Variants in RNF17 observed in about 807,000 individuals in gnomAD.
RNF17 encodes the protein spermatogenesis associated 23.
In RNF17, 31 loss-of-function variants were observed where a neutral mutation model predicts 200.5. That is an observed-to-expected ratio of 0.15 (90% CI 0.12 to 0.21). RNF17 has a LOEUF of 0.21. RNF17 is among the 10% of genes least tolerant of loss of function. The pLI, the probability that RNF17 is intolerant of heterozygous loss-of-function variation, is 1.00. For synonymous variants in RNF17, 606 were observed against 637.8 expected (o/e 0.95, Z 0.75); for missense variants, 1,628 against 1,905.1 (o/e 0.85, Z 2.71).
chr13:24,764,890 T>TGTGG (rs1437887701), intron 1 of RNF17, among the ~76,000 whole-genome samples: 613 of 8,710 alleles, frequency 0.07, 8 homozygotes, highest in African/African-American at 0.14. Flanking sequence ...CCTTGTGGGG[T>TGTGG]GTGTGTGTGT....
chr13:24,831,736 A>G (rs1214044384), intron 17 of RNF17, 122 bp from the exon 18 acceptor site: 2 of 838,164 alleles, frequency 2.4e-6, no homozygotes, highest in African/African-American at 1.8e-5. Context: ...TTATTTGATT[A>G]TTTCTAATAT....
intron 35 of RNF17, 101 bp downstream of exon 35, chr13:24,879,396 G>A: frequency 1.4e-6 from 1 of 740,608 alleles, no homozygotes; most frequent in Non-Finnish European, 2.3e-6. Context: ...ATTTCTCAAA[G>A]GAATGACAGC....
intron 32 of RNF17, among the ~76,000 whole-genome samples, chr13:24,871,633 CTT>C (rs143831233): frequency 1.6e-4 from 20 of 128,484 alleles, no homozygotes; most frequent in African/African-American, 3.5e-4. Context: ...CTTGCCCAGC[CTT>C]TTTTTTTTTT....
chr13:24,774,479 G>A (rs1245661422), intron 2 of RNF17, among the ~76,000 whole-genome samples: 1 of 152,220 alleles, frequency 6.6e-6, no homozygotes, highest in African/African-American at 2.4e-5. Context: ...CAAAGTGCTA[G>A]GATTACGGGC....
chr13:24,830,665 C>T, intron 17 of RNF17, 66 bp downstream of exon 17: 1 of 1,088,570 alleles, frequency 9.2e-7, no homozygotes, highest in Non-Finnish European at 1.4e-6. Context: ...TTTTTAGAAG[C>T]TATTGTCATC....
In RNF17 at chr13:24,799,596, TATA is replaced by T. The variant is rs1566149603; in HGVS notation, c.1589+16_1589+18del. 6.5e-7 allele frequency: 1 copy of T among 1,532,808 alleles called. No homozygotes were observed. Among genetic ancestry groups the T allele is most frequent in the Non-Finnish European group, 9.0e-7 (1 of 1,113,350 alleles). The allele number at this position is 1,532,808 out of a possible 1,614,324, so 95.0% of individuals were successfully genotyped here. ...CTGATTGTCACTGGGTATGATATTT[TATA>T]ATATGTATCCTTGGCCTGCTTAGAA... is the stretch of plus-strand genomic sequence containing the variant. On this transcript the variant is annotated intron_variant, in intron 12 of 35. Transcript: ENST00000255324.
chr13:24,841,698 C>T, intron 18 of RNF17, among the ~76,000 whole-genome samples: 1 of 152,010 alleles, frequency 6.6e-6, no homozygotes, highest in East Asian at 1.9e-4. Flanking sequence ...GTGGCTCAGG[C>T]CTGTAATCCC....
At chr13:24,804,585 A>G (rs938755317) in intron 15 of RNF17, among the ~76,000 whole-genome samples, 156 bp downstream of exon 15, 3 of 152,196 alleles carry the variant, frequency 2.0e-5, no homozygotes, top group Admixed American at 6.5e-5. Context: ...GCAACTTCAA[A>G]CAAGTTTATA....
intron 33 of RNF17, among the ~76,000 whole-genome samples, chr13:24,874,502 C>G (rs981309539): frequency 2.0e-5 from 3 of 151,702 alleles, no homozygotes; most frequent in African/African-American, 7.3e-5. Flanking sequence ...CTCCGCCTCC[C>G]AGGTTCAAGT....
chr13:24,755,885 C>G, the RNF17 span, among the ~76,000 whole-genome samples: 1 of 152,052 alleles, frequency 6.6e-6, no homozygotes, highest in African/African-American at 2.4e-5. Context: ...TGTTGTTTCA[C>G]CTTCAGTAGT....
At chr13:24,844,918 G>T (rs750759265) in intron 21 of RNF17, 43 bp from the exon 22 acceptor site, 5 of 1,554,920 alleles carry the variant, frequency 3.2e-6, no homozygotes, top group East Asian at 4.5e-5. Flanking sequence ...AAAATATTTC[G>T]AAATGTTGTT....
chr13:24,790,587 A>G (rs1033379851), intron 9 of RNF17, among the ~76,000 whole-genome samples: 1 of 152,172 alleles, frequency 6.6e-6, no homozygotes, highest in Non-Finnish European at 1.5e-5. Context: ...TGCTATAACA[A>G]AGTTTAAAAA....
intron 16 of RNF17, among the ~76,000 whole-genome samples, chr13:24,828,400 C>T (rs1228535847): frequency 6.6e-6 from 1 of 152,004 alleles, no homozygotes; most frequent in Non-Finnish European, 1.5e-5. Flanking sequence ...TTTTATCTGC[C>T]TAATTTAAAA....
chr13:24,844,904 CA>C, intron 21 of RNF17, 56 bp from the exon 22 acceptor site: 2 of 1,553,182 alleles, frequency 1.3e-6, no homozygotes, highest in Non-Finnish European at 8.8e-7. Context: ...TTCAGTTTGC[CA>C]AAAAAATATT....
At chr13:24,781,731 C>T (rs1309396964) in intron 5 of RNF17, 113 bp from the exon 6 acceptor site, 2 of 652,066 alleles carry the variant, frequency 3.1e-6, no homozygotes, top group Non-Finnish European at 5.2e-6. Context: ...ATCTCTTTAC[C>T]TCTTGTGTTA....
chr13:24,764,384 TG>T, intron 1 of RNF17, 51 bp downstream of exon 1: 4 of 1,517,362 alleles, frequency 2.6e-6, no homozygotes, highest in South Asian at 2.5e-5. Context: ...GAGGGAGCGC[TG>T]GGGGCCAGGT....
intron 22 of RNF17, among the ~76,000 whole-genome samples, chr13:24,850,091 G>T (rs1043853548): frequency 3.9e-5 from 6 of 151,956 alleles, no homozygotes; most frequent in Non-Finnish European, 8.8e-5. Context: ...CAATGTAGCT[G>T]CAGAAAAGAT....
intron 15 of RNF17, among the ~76,000 whole-genome samples, chr13:24,805,222 A>G (rs1196391347): frequency 1.3e-5 from 2 of 152,152 alleles, no homozygotes; most frequent in Non-Finnish European, 2.9e-5. Flanking sequence ...TATACATAAT[A>G]TAATTTTATA....
At chr13:24,768,250 A>G (rs745591373) in intron 2 of RNF17, among the ~76,000 whole-genome samples, 3 of 151,550 alleles carry the variant, frequency 2.0e-5, no homozygotes, top group Non-Finnish European at 4.4e-5. Context: ...AGCTTATATA[A>G]TATTGTTCCT....
Sources: allele counts gnomAD v4.1 joint callset (sites outside exome capture counted in the v4.1 genomes callset), GRCh38; gene constraint gnomAD v4.1.1; transcripts MANE v1.5; gene names NCBI Gene and HGNC (gene_info 2026-07-23, HGNC 2026-07-21).